Variants in WDR87 observed in about 807,000 individuals in gnomAD.
WDR87 encodes the protein WD repeat-containing protein 87.
In WDR87, 56 loss-of-function variants were observed where a neutral mutation model predicts 83.3. That is an observed-to-expected ratio of 0.67 (90% confidence interval 0.54 to 0.84). The LOEUF (loss-of-function observed/expected upper bound fraction) is 0.84. Ranked by LOEUF, WDR87 falls within the 40% of genes least tolerant of loss-of-function variation. The probability of loss-of-function intolerance (pLI) is 0.00; values close to 1 mark genes in which losing one functional copy is unlikely to be tolerated. For missense variants in WDR87, 2,939 were observed against 3,431.9 expected, an observed-to-expected ratio of 0.86 and a Z score of 3.59; for synonymous variants, 1,173 against 1,250.6, an observed-to-expected ratio of 0.94 and a Z score of 1.31.
Position 37,887,778 on chromosome 19 carries a change from T to G in WDR87, c.5893A>C (p.Lys1965Gln), listed in dbSNP as rs1330864206. The G allele has an allele frequency of 2.1e-5, 32 of 1,551,890 alleles. 1 individual carries two copies. Among genetic ancestry groups the G allele is most frequent in the East Asian group, 9.8e-5 (4 of 40,912 alleles). The change falls in exon 6 of 6, where the codon AAA (lysine) becomes CAA (glutamine). Residue 1965 changes from lysine to glutamine, a missense_variant. By Grantham distance (53) the Lys-to-Gln change is moderately conservative. This residue lies in a region of WDR87 where 2,160 missense variants were observed against 2,533.1 expected (regional missense o/e 0.85). Transcript: ENST00000447313. The part of the protein sequence containing the change: ...LVQVEDSLAK[K>Q]QEKLAQEKMK... ...TTTTCCTGGGCCAATTTCTCCTGTT[T>G]TTTGGCCAAACTATCCTCTACTTGG...
chr19:37,892,341 G>A (rs1477999155), intron 4 of WDR87, among the ~76,000 whole-genome samples: 3 of 152,064 alleles, frequency 2.0e-5, no homozygotes, highest in Non-Finnish European at 4.4e-5. Flanking sequence ...CCAAGATCGC[G>A]CCACTACACT....
At chr19:37,905,350 C>G (rs1372766213) in intron 1 of WDR87, among the ~76,000 whole-genome samples, 1 of 151,602 alleles carries the variant, frequency 6.6e-6, no homozygotes, top group Admixed American at 6.6e-5. Context: ...AATTTCATAG[C>G]TGGGTGAGAT....
rs1402413247 is a variant in WDR87, at chr19:37,893,819, G to A, written c.1884C>T (p.Gly628=). The change falls in exon 4 of 6, where the codon GGC becomes GGT. Residue 628 remains glycine (G), a synonymous_variant. Coordinates refer to ENST00000447313, the MANE Select transcript of WDR87 (RefSeq NM_001291088.2). The part of the protein sequence containing the change: ...LSLFVTGSAD[G]SVRIWDFHGR... ...CATGGAAGTCCCAGATCCGAACAGA[G>A]CCATCGGCAGAACCTGTGACAAAAA... 6.4e-7 allele frequency: 1 copy of A among 1,551,632 alleles called. No homozygotes were observed. Among genetic ancestry groups the A allele is most frequent in the African/African-American group, 1.4e-5 (1 of 73,030 alleles).
In WDR87 at chr19:37,894,731, A is replaced by C. The variant is rs1599767032; in HGVS notation, c.972T>G (p.Gly324=). 1 of 1,551,712 alleles carries C rather than the reference A, an allele frequency of 6.4e-7. No homozygotes were observed. The highest frequency in any genetic ancestry group is 1.2e-5 in the South Asian group (1 of 84,060). Residue 324 remains glycine (G), a synonymous_variant, in exon 4 of 6, where the codon GGT becomes GGG. Coordinates refer to ENST00000447313, the MANE Select transcript of WDR87 (RefSeq NM_001291088.2). ...TAAACTGGAGCCGGTATAGCTCCTC[A>C]CCAAGCTCTAGCCGCCGAAGCAGGC... The part of the protein sequence containing the change: ...SGSLLRRLEL[G]EELYRLQFID...
rs937608830 is a variant in WDR87, at chr19:37,896,369, G to A, written c.76-61C>T. 1.1e-4 allele frequency: 167 copies of A among 1,511,600 alleles called. 1 individual carries two copies. In the South Asian group the frequency reaches 1.5e-3, roughly 13 times the overall value. 93.6% of individuals were successfully genotyped at this position (1,511,600 alleles called of 1,614,324 possible). A position where few individuals can be genotyped will look rare whatever the true frequency, so the allele number is the denominator to read the frequency against. On this transcript the variant is annotated intron_variant, in intron 2 of 5. Coordinates refer to ENST00000447313, the MANE Select transcript of WDR87 (RefSeq NM_001291088.2). ...GCACAGAGGCACTAAATATATTCTC[G>A]CACAAGTCACAGTTGGAGCAGTTCC... is the stretch of plus-strand genomic sequence containing the variant.
rs767755758 is a variant in WDR87 at position 37,893,949 on chromosome 19, T to G, written c.1754A>C (p.His585Pro). 1.0e-5 allele frequency: 16 copies of G among 1,551,716 alleles called. No homozygotes were observed. Among genetic ancestry groups the G allele is most frequent in the Non-Finnish European group, 1.3e-5 (15 of 1,147,034 alleles). Residue 585 changes from histidine (H) to proline (P), a missense_variant, in exon 4 of 6, where the codon CAT (histidine) becomes CCT (proline). Physicochemically the swap from His to Pro is moderately conservative, Grantham distance 77 (BLOSUM62 -2). This residue lies in a region of WDR87 where 553 missense variants were observed against 577.9 expected (regional missense o/e 0.96). Transcript: ENST00000447313. The part of the protein sequence containing the change: ...ETNCLRLWKF[H>P]DFLSSGSQNG... ...CTGTGACCCAGAGGACAGAAAATCA[T>G]GGAACTTCCAGAGACGCAGGCAGTT...
chr19:37,892,184 G>C (rs1398232315), intron 4 of WDR87, among the ~76,000 whole-genome samples: 3 of 152,208 alleles, frequency 2.0e-5, no homozygotes. Flanking sequence ...CTTGAGCCCA[G>C]GAGTTCGAGA....
Position 37,887,701 on chromosome 19 carries a change from T to G in WDR87, c.5970A>C (p.Arg1990Ser), listed in dbSNP as rs963848579. The G allele has an allele frequency of 2.6e-6, 4 of 1,552,234 alleles. No individual in the cohort carries two copies. The African/African-American group carries it at 5.5e-5, about 21-fold the overall frequency. The change falls in exon 6 of 6, where the codon AGA becomes AGC. Residue 1990 changes from arginine (R) to serine (S), a missense_variant. Transcript: ENST00000447313. ...CTTCCTTAGCAATATCCAACTCTCC[T>G]CTGAGCCGTTTCTTTCCTTGGACCA... ...KAMVQGKKRLRGELDIAKEEK... is the reference protein window; with the variant it reads ...KAMVQGKKRLSGELDIAKEEK...
intron 1 of WDR87, among the ~76,000 whole-genome samples, chr19:37,904,504 G>A (rs1305984127): frequency 2.6e-5 from 4 of 151,992 alleles, no homozygotes; most frequent in Non-Finnish European, 1.5e-5. Flanking sequence ...GATTACAGGC[G>A]TGCGCCACCA....
Position 37,891,566 on chromosome 19 carries a change from C to T in WDR87, c.3380G>A (p.Gly1127Glu). The T allele has an allele frequency of 6.4e-7, 1 of 1,552,030 alleles. No individual in the cohort carries two copies. Among genetic ancestry groups the T allele is most frequent in the Non-Finnish European group, 8.7e-7 (1 of 1,147,056 alleles). ...PSKGQRRGQA[G>E]VKKHSQKWLR... ...CCCTTACATACTATGCTTTTTGACC[C>T]CTGCTTGGCCTCGTCTTTGGCCTTT... Residue 1127 changes from glycine to glutamate, a missense_variant, in exon 5 of 6, where the codon GGG (glycine) becomes GAG (glutamate). Around this residue, in one of 3 missense-constraint regions of WDR87, gnomAD observed 2,160 missense variants for 2,533.1 expected, o/e 0.85. Transcript: ENST00000447313.
rs75927060 is a variant in WDR87 at position 37,900,686 on chromosome 19, A to C, written c.-46-2401T>G. On this transcript the variant is annotated intron_variant, in intron 1 of 5. Coordinates refer to ENST00000447313, the MANE Select transcript of WDR87 (RefSeq NM_001291088.2). ...ATCCACAAATCCACTCACAATGGGA[A>C]CTTGGGACTGGCTGGCAGCACACAC... 0.029 allele frequency among the ~76,000 whole-genome samples: 4,345 copies of C among 152,054 alleles called. 413 individuals are homozygous for C. The East Asian group carries it at 0.36, about 13-fold the overall frequency.
chr19:37,902,676 C>CT (rs2046300479), intron 1 of WDR87, among the ~76,000 whole-genome samples: 1 of 152,204 alleles, frequency 6.6e-6, no homozygotes, highest in Non-Finnish European at 1.5e-5. Context: ...AACTATATTC[C>CT]TTTTCTTAGC....
At position 37,886,528 on chromosome 19, in the gene WDR87, C is replaced by A. The variant is rs147358187; in HGVS notation, c.7143G>T (p.Glu2381Asp). 135 of 1,498,618 alleles carry A rather than the reference C, an allele frequency of 9.0e-5. No homozygotes were observed. The highest frequency in any genetic ancestry group is 4.0e-4 in the Admixed American group (15 of 37,438). The allele number at this position is 1,498,618 out of a possible 1,614,324, so 92.8% of individuals were successfully genotyped here. Residue 2381 changes from glutamate (E) to aspartate (D), a missense_variant, in exon 6 of 6, where the codon GAG becomes GAT. Around this residue, in one of 3 missense-constraint regions of WDR87, gnomAD observed 2,160 missense variants for 2,533.1 expected, o/e 0.85. Transcript: ENST00000447313. ...TAAATTGTTTTTCTTTTTTTAAGAT[C>A]TCTTTTTCCCTGTCCACCTCTTCTT... ...SLEEEVDREK[E>D]ILKKEKQFKL... is the part of the protein sequence containing the mutation.
rs2046155063 is a variant in WDR87 at position 37,887,055 on chromosome 19, A to G, written c.6616T>C (p.Leu2206=). The G allele has an allele frequency of 1.3e-6, 2 of 1,550,458 alleles. No individual in the cohort carries two copies. Among genetic ancestry groups the G allele is most frequent in the Non-Finnish European group, 8.7e-7 (1 of 1,146,784 alleles). Residue 2206 remains leucine (L), a synonymous_variant, in exon 6 of 6, where the codon TTG becomes CTG. Transcript: ENST00000447313. Reference sequence around the variant, plus strand: ...ATGACTTCTGAATGCTTTCTGGCCAATTTGCTCTCTTCCTCAGTCATTTTT... The same window carrying G: ...ATGACTTCTGAATGCTTTCTGGCCAGTTTGCTCTCTTCCTCAGTCATTTTT... ...EEKMTEEESK[L]ARKHSEVILD...
chr19:37,890,403 T>TA lies in WDR87; in HGVS notation c.3395-128dup, dbSNP rs34144200. The stretch of plus-strand genomic sequence containing the variant: ...GTAACAACAGAGAGAACTGAGGCCT[T>TA]AAAAAAAAAAAGCATTCTCTTTGCT... On this transcript the variant is annotated intron_variant, in intron 5 of 5. Transcript: ENST00000447313. The TA allele has an allele frequency of 0.24, 233,080 of 980,054 alleles. 8,428 individuals are homozygous for TA. Among genetic ancestry groups the TA allele is most frequent in the African/African-American group, 0.38 (21,406 of 56,788 alleles). The allele number at this position is 980,054 out of a possible 1,614,324, so 60.7% of individuals were successfully genotyped here.
rs368716834 is a variant in WDR87 at position 37,886,501 on chromosome 19, C to A, written c.7170G>T (p.Lys2390Asn). The change falls in exon 6 of 6, where the codon AAG (lysine) becomes AAT (asparagine). Residue 2390 changes from lysine (K) to asparagine (N), a missense_variant. This residue lies in a region of WDR87 where 2,160 missense variants were observed against 2,533.1 expected (regional missense o/e 0.85). Coordinates refer to ENST00000447313, the MANE Select transcript of WDR87 (RefSeq NM_001291088.2). ...GGCTCTTTCTTCTTTGTTCTTGTAACTTAAATTGTTTTTCTTTTTTTAAGA... is the reference window on the plus strand; with the variant it reads ...GGCTCTTTCTTCTTTGTTCTTGTAAATTAAATTGTTTTTCTTTTTTTAAGA... Reference protein sequence around the residue: ...KEILKKEKQFKLQEQRRKSLR... With the variant: ...KEILKKEKQFNLQEQRRKSLR... The A allele has an allele frequency of 6.6e-7, 1 of 1,508,762 alleles. No individual in the cohort carries two copies. Among genetic ancestry groups the A allele is most frequent in the South Asian group, 1.3e-5 (1 of 75,100 alleles). 93.5% of individuals were successfully genotyped at this position (1,508,762 alleles called of 1,614,324 possible).
intron 1 of WDR87, among the ~76,000 whole-genome samples, chr19:37,902,389 T>G (rs1167354743): frequency 6.6e-6 from 1 of 150,448 alleles, no homozygotes; most frequent in Non-Finnish European, 1.5e-5. Context: ...TAATTTTGTA[T>G]TTTTTTTTAG....
In WDR87 at chr19:37,893,490, C is replaced by A. The variant is rs745988681; in HGVS notation, c.2213G>T (p.Arg738Leu). The change falls in exon 4 of 6, where the codon CGG becomes CTG. Residue 738 changes from arginine to leucine, a missense_variant. Physicochemically the swap from Arg to Leu is moderately radical, Grantham distance 102 (BLOSUM62 -2). Coordinates refer to ENST00000447313, the MANE Select transcript of WDR87 (RefSeq NM_001291088.2). ...LVGLEKLVNN[R>L]AIAFDHSVPH... The stretch of plus-strand genomic sequence containing the variant: ...CACAGAATGGTCAAAGGCAATGGCC[C>A]GGTTGTTGACAAGTTTCTCCAGACC... 3 of 1,551,840 alleles carry A rather than the reference C, an allele frequency of 1.9e-6. No homozygotes were observed. The highest frequency in any genetic ancestry group is 1.7e-6 in the Non-Finnish European group (2 of 1,147,038).
At position 37,893,080 on chromosome 19, in the gene WDR87, CT is replaced by C; in HGVS notation, c.2622del (p.Glu875AsnfsTer13). The C allele has an allele frequency of 6.4e-7, 1 of 1,551,746 alleles. No individual in the cohort carries two copies. The highest frequency in any genetic ancestry group is 1.2e-5 in the South Asian group (1 of 84,064). ...TCCTCCTCCTTATTCTTTGGATATT[CT>C]GTATTACTTATAGCTCTTACCCTGC... Reference protein sequence around the residue: ...WHSRVRAISNTEYPKNKEEDE... With the variant: ...WHSRVRAISNXEYPKNKEEDE... On this transcript the variant is annotated frameshift_variant, in exon 4 of 6. Coordinates refer to ENST00000447313, the MANE Select transcript of WDR87 (RefSeq NM_001291088.2). LOFTEE classifies it high-confidence loss of function.
Sources: gnomAD v4.1 joint callset for allele counts (sites outside exome capture counted in the v4.1 genomes callset) on GRCh38, gnomAD v4.1.1 for gene constraint, gnomAD v4.1.1 regional missense constraint, MANE v1.5 for transcripts, NCBI Gene and HGNC (gene_info 2026-07-23, HGNC 2026-07-21) for gene names.